The following ADGRB1 variants were observed in gnomAD, a reference collection of about 807,000 sequenced individuals.
ADGRB1 encodes the protein brain-specific angiogenesis inhibitor 1.
In ADGRB1, 36 loss-of-function variants were observed where a neutral mutation model predicts 175.7. That is an observed-to-expected ratio of 0.20 (90% CI 0.16 to 0.27). The LOEUF is 0.27. ADGRB1 is among the 10% of genes least tolerant of loss of function. The pLI, the probability that ADGRB1 is intolerant of heterozygous loss-of-function variation, is 1.00. For missense variants in ADGRB1, 1,731 were observed against 2,255.3 expected (o/e 0.77, Z 4.71); for synonymous variants, 1,054 against 979.4 (o/e 1.08, Z -1.42).
chr8:142,487,845 C>T lies in ADGRB1; in HGVS notation c.2309-519C>T, dbSNP rs1018412658. Reference sequence around the variant, plus strand: ...GGGAACACTGGATCCCTTCTTTCACCGTGGCCCATACTGCCCTTTGATGCC... The same window carrying T: ...GGGAACACTGGATCCCTTCTTTCACTGTGGCCCATACTGCCCTTTGATGCC... On this transcript the variant is annotated intron_variant, in intron 13 of 30. Coordinates refer to ENST00000517894, the MANE Select transcript of ADGRB1 (RefSeq NM_001702.3). Among the ~76,000 whole-genome samples, 111 of 152,240 alleles carry T rather than the reference C, an allele frequency of 7.3e-4. 1 individual carries two copies. The highest frequency in any genetic ancestry group is 6.9e-3 in the Admixed American group (106 of 15,290).
chr8:142,486,562 C>T (rs1371890378), intron 13 of ADGRB1, among the ~76,000 whole-genome samples: 3 of 152,224 alleles, frequency 2.0e-5, no homozygotes, highest in Non-Finnish European at 4.4e-5. Context: ...ACCCTAACTT[C>T]CACGTGACCA....
At chr8:142,509,968 G>A (rs142600277) in intron 17 of ADGRB1, among the ~76,000 whole-genome samples, 1,609 of 152,300 alleles carry the variant, frequency 0.011, 9 homozygotes, top group Non-Finnish European at 0.017. Context: ...AGGCAGGCCC[G>A]GCTCCAGGGC....
Position 142,477,219 on chromosome 8 carries a change from C to A in ADGRB1, c.1163C>A (p.Thr388Lys). ...TTCTGCGTGTCCTCCTCCTACAGCA[C>A]GCAGTGCAGCGGACCCCTGCGCGAG... ...TRFCVSSSYS[T>K]QCSGPLREQR... Residue 388 changes from threonine to lysine, a missense_variant, in exon 5 of 31, where the codon ACG (threonine) becomes AAG (lysine). Thr to Lys is a moderately conservative substitution (Grantham distance 78). Transcript: ENST00000517894. 1.9e-6 allele frequency: 3 copies of A among 1,601,096 alleles called. No individual in the cohort carries two copies. Among genetic ancestry groups the A allele is most frequent in the Non-Finnish European group, 2.5e-6 (3 of 1,178,056 alleles).
At chr8:142,539,261 G>A (rs1845120471) in intron 26 of ADGRB1, 113 bp from the exon 27 acceptor site, 3 of 1,099,824 alleles carry the variant, frequency 2.7e-6, no homozygotes, top group Non-Finnish European at 2.6e-6. Context: ...GACATGGACA[G>A]GGGTTCCTCG....
Position 142,504,278 on chromosome 8 carries a change from G to A in ADGRB1, c.2676-6654G>A, listed in dbSNP as rs1842755575. Among the ~76,000 whole-genome samples the A allele has an allele frequency of 6.6e-6, 1 of 151,932 alleles. No individual in the cohort carries two copies. The highest frequency in any genetic ancestry group is 2.4e-5 in the African/African-American group (1 of 41,378). The stretch of plus-strand genomic sequence containing the variant: ...TTCTTAGGGGAGGCAGTGGCTCCAG[G>A]AGCCCTGGAGGGGGAGGCTAATCAC... On this transcript the variant is annotated intron_variant, in intron 17 of 30. Coordinates refer to ENST00000517894, the MANE Select transcript of ADGRB1 (RefSeq NM_001702.3). The surrounding 1 kb of genome is among the most constrained non-coding windows in gnomAD (Gnocchi z 5.6).
At chr8:142,524,421 C>A (rs1844054649) in intron 23 of ADGRB1, 117 bp downstream of exon 23, 1 of 1,107,160 alleles carries the variant, frequency 9.0e-7, no homozygotes, top group Non-Finnish European at 1.3e-6. Context: ...TTCAGGATGG[C>A]CCTCATGGCC....
At chr8:142,519,866 G>A in intron 19 of ADGRB1, among the ~76,000 whole-genome samples, 1 of 151,264 alleles carries the variant, frequency 6.6e-6, no homozygotes, top group South Asian at 2.1e-4. Flanking sequence ...TCGTGGTGAT[G>A]GTGGTGCTGG....
At chr8:142,477,004 G>A in intron 4 of ADGRB1, 110 bp from the exon 5 acceptor site, 1 of 1,381,616 alleles carries the variant, frequency 7.2e-7, no homozygotes, top group Non-Finnish European at 9.5e-7. Context: ...CTCTGCCCCA[G>A]CCCCGCTGCC....
chr8:142,526,088 G>C (rs1237659781), intron 23 of ADGRB1, among the ~76,000 whole-genome samples: 1 of 152,292 alleles, frequency 6.6e-6, no homozygotes, highest in South Asian at 2.1e-4. Flanking sequence ...GGGCCCTTAT[G>C]GGGTGGGCAG....
At chr8:142,484,293 C>T (rs1184855409) in intron 12 of ADGRB1, among the ~76,000 whole-genome samples, 4 of 152,338 alleles carry the variant, frequency 2.6e-5, no homozygotes. Flanking sequence ...ATACTGAGCA[C>T]ATGGGGATGC....
chr8:142,454,421 G>A (rs778111150), intron 1 of ADGRB1, among the ~76,000 whole-genome samples: 14 of 152,164 alleles, frequency 9.2e-5, no homozygotes, highest in Non-Finnish European at 1.6e-4. Context: ...GGGTCAGCAC[G>A]AGCACACCGT....
Position 142,475,478 on chromosome 8 carries a change from C to G in ADGRB1, c.789C>G (p.Gly263=). Residue 263 remains glycine (G), a synonymous_variant, in exon 3 of 31, where the codon GGC becomes GGG. Transcript: ENST00000517894. ...CGCCCTCTGGTTTCCCCCCAGGCGG[C>G]TGGAAGCTGTGGTCCCTGTGGGGCG... ...QDRGGHGATG[G]WKLWSLWGEC... 7.7e-7 allele frequency: 1 copy of G among 1,294,276 alleles called. No individual in the cohort carries two copies. Among genetic ancestry groups the G allele is most frequent in the Non-Finnish European group, 9.8e-7 (1 of 1,019,940 alleles). 80.2% of individuals were successfully genotyped at this position (1,294,276 alleles called of 1,614,324 possible).
chr8:142,482,012 C>A (rs979307694), intron 11 of ADGRB1, among the ~76,000 whole-genome samples: 1 of 121,846 alleles, frequency 8.2e-6, no homozygotes, highest in Non-Finnish European at 1.8e-5. Flanking sequence ...TGAGCCCTGA[C>A]CCTGGTCACA....
intron 18 of ADGRB1, among the ~76,000 whole-genome samples, chr8:142,515,946 A>G (rs1843388181): frequency 6.6e-6 from 1 of 152,110 alleles, no homozygotes; most frequent in African/African-American, 2.4e-5. Flanking sequence ...GAGCAGCGCT[A>G]CCTGGGGTAG....
At chr8:142,495,708 G>A (rs1842180403) in intron 17 of ADGRB1, among the ~76,000 whole-genome samples, 2 of 151,942 alleles carry the variant, frequency 1.3e-5, no homozygotes, top group Non-Finnish European at 1.5e-5. Context: ...TCCTCTTCTT[G>A]TAAGGACCCC....
chr8:142,450,663 G>C (rs997873117), intron 1 of ADGRB1, among the ~76,000 whole-genome samples: 4 of 151,984 alleles, frequency 2.6e-5, no homozygotes, highest in Admixed American at 2.6e-4. Flanking sequence ...CACAGAGCTC[G>C]GGGCAGGCAG....
intron 17 of ADGRB1, among the ~76,000 whole-genome samples, chr8:142,503,240 G>A (rs1007223270): frequency 1.3e-5 from 2 of 152,038 alleles, no homozygotes; most frequent in Non-Finnish European, 2.9e-5. Flanking sequence ...AGGAAATGGC[G>A]GGAGAGCCAA....
Position 142,537,777 on chromosome 8 carries a change from G to A in ADGRB1, c.3666+695G>A, listed in dbSNP as rs571991966. 7.2e-5 allele frequency among the ~76,000 whole-genome samples: 11 copies of A among 152,242 alleles called. No individual in the cohort carries two copies. The highest frequency in any genetic ancestry group is 4.1e-4 in the South Asian group (2 of 4,828). On this transcript the variant is annotated intron_variant, in intron 26 of 30. Transcript: ENST00000517894. The surrounding 1 kb of genome is among the most constrained non-coding windows in gnomAD (Gnocchi z 4.6). ...GTCCTGGGAGGGCGGCCCAAGTGGC[G>A]GTTCCTACGTAAGGGCCCCCAACAG...
Sources: gnomAD v4.1 joint callset for allele counts (sites outside exome capture counted in the v4.1 genomes callset) on GRCh38, gnomAD v4.1.1 for gene constraint, Gnocchi (gnomAD v3.1) non-coding constraint, MANE v1.5 for transcripts, NCBI Gene and HGNC (gene_info 2026-07-23, HGNC 2026-07-21) for gene names.